GLIS3: variants seen among roughly 807,000 people sequenced by gnomAD.
The protein encoded by GLIS3 is GLIS family zinc finger 3.
In GLIS3, 53 loss-of-function variants were observed where a neutral mutation model predicts 78.6. The ratio of observed to expected loss-of-function variants is 0.67; its 90% CI spans 0.54 to 0.85. The LOEUF is 0.85. GLIS3 is among the 40% of genes least tolerant of loss of function. The pLI, the probability that GLIS3 is intolerant of heterozygous loss-of-function variation, is 0.00. For missense variants in GLIS3, 1,703 were observed against 1,231.1 expected (o/e 1.38, Z -5.74); for synonymous variants, 684 against 509.9 (o/e 1.34, Z -4.60).
intron 2 of GLIS3, among the ~76,000 whole-genome samples, chr9:4,323,352 C>G (rs1372429696): frequency 6.6e-6 from 1 of 152,074 alleles, no homozygotes; most frequent in Non-Finnish European, 1.5e-5. Flanking sequence ...TTCCCTTTTC[C>G]TTGCTTTTAA....
the GLIS3 span, among the ~76,000 whole-genome samples, chr9:4,441,312 G>T: frequency 6.6e-6 from 1 of 152,070 alleles, no homozygotes; most frequent in East Asian, 1.9e-4. Context: ...CTTTTATTGT[G>T]TTGAGGCACA....
chr9:3,967,735 G>C (rs1249108717), intron 4 of GLIS3, among the ~76,000 whole-genome samples: 1 of 152,034 alleles, frequency 6.6e-6, no homozygotes, highest in African/African-American at 2.4e-5. Context: ...AGAGACAAGT[G>C]CAATGTCATG....
chr9:4,406,585 C>T, the GLIS3 span, among the ~76,000 whole-genome samples: 9 of 152,228 alleles, frequency 5.9e-5, no homozygotes, highest in African/African-American at 2.2e-4. Context: ...ACTATTTGAA[C>T]TGATAAATTC....
chr9:4,388,544 C>T, the GLIS3 span, among the ~76,000 whole-genome samples: 12 of 151,980 alleles, frequency 7.9e-5, no homozygotes, highest in African/African-American at 2.7e-4. Context: ...GGCGTGGTGG[C>T]GTGTGCCTGT....
At chr9:4,372,935 C>T in the GLIS3 span, among the ~76,000 whole-genome samples, 1 of 152,214 alleles carries the variant, frequency 6.6e-6, no homozygotes, top group Non-Finnish European at 1.5e-5. Context: ...AGGAGAACGG[C>T]TGATATTTCT....
rs72685687 is a variant in GLIS3 at position 4,005,932 on chromosome 9, C to T, written c.1711-68743G>A. On this transcript the variant is annotated intron_variant, in intron 4 of 10. Transcript: ENST00000381971. ...CTGTTAGTCATTTGCTGAATTACTACAGTACTACTGTAGTCTGAAGTGGTT... is the reference window on the plus strand; with the variant it reads ...CTGTTAGTCATTTGCTGAATTACTATAGTACTACTGTAGTCTGAAGTGGTT... Among the ~76,000 whole-genome samples, 535 of 152,268 alleles carry T rather than the reference C, an allele frequency of 3.5e-3. 1 individual carries two copies. The highest frequency in any genetic ancestry group is 5.7e-3 in the Non-Finnish European group (386 of 68,006).
chr9:3,890,408 AC>A (rs1439245642), intron 7 of GLIS3, among the ~76,000 whole-genome samples: 1 of 152,144 alleles, frequency 6.6e-6, no homozygotes, highest in African/African-American at 2.4e-5. Flanking sequence ...AAGTAGTAGC[AC>A]CCAGCATAAA....
At chr9:4,178,534 T>C (rs1817000496) in intron 2 of GLIS3, among the ~76,000 whole-genome samples, 1 of 152,210 alleles carries the variant, frequency 6.6e-6, no homozygotes, top group Non-Finnish European at 1.5e-5. Flanking sequence ...AGAGCTTTGG[T>C]GAGCTTTGCT....
chr9:4,082,258 A>G (rs988469823), intron 4 of GLIS3, among the ~76,000 whole-genome samples: 3 of 152,230 alleles, frequency 2.0e-5, no homozygotes, highest in Non-Finnish European at 4.4e-5. Context: ...ACTGTATATA[A>G]CTATGTGTGG....
chr9:4,268,029 G>A (rs13440020), intron 2 of GLIS3, among the ~76,000 whole-genome samples: 117,737 of 151,546 alleles, frequency 0.78, 46,125 homozygotes, highest in African/African-American at 0.84. Context: ...GTGTATATAT[G>A]TGCATACACA....
At chr9:4,285,905 A>T (rs753653503) in intron 2 of GLIS3, 133 bp downstream of exon 2, 3 of 1,106,808 alleles carry the variant, frequency 2.7e-6, no homozygotes, top group Non-Finnish European at 4.1e-6. Context: ...CAAGCTATAT[A>T]TCATTATGAG....
intron 7 of GLIS3, chr9:3,898,227 G>C: frequency 4.3e-6 from 1 of 234,902 alleles, no homozygotes; most frequent in East Asian, 1.0e-4. Flanking sequence ...TTCCCACAAT[G>C]GTTGGCAAAC....
At chr9:3,942,898 C>G (rs1053337106) in intron 4 of GLIS3, among the ~76,000 whole-genome samples, 1 of 151,702 alleles carries the variant, frequency 6.6e-6, no homozygotes, top group Non-Finnish European at 1.5e-5. Flanking sequence ...AACAAAAGAA[C>G]TAGAAAACAA....
intron 6 of GLIS3, among the ~76,000 whole-genome samples, chr9:3,899,459 ATAAAC>A (rs1823122778): frequency 6.6e-6 from 1 of 152,178 alleles, no homozygotes; most frequent in Non-Finnish European, 1.5e-5. Flanking sequence ...AAATGCTAAA[ATAAAC>A]TAGGTGAAAA....
intron 2 of GLIS3, among the ~76,000 whole-genome samples, chr9:4,235,447 C>T (rs1393361660): frequency 6.6e-6 from 1 of 152,166 alleles, no homozygotes; most frequent in Admixed American, 6.5e-5. Flanking sequence ...AAGTTTCTAA[C>T]GACTTGATCT....
intron 4 of GLIS3, among the ~76,000 whole-genome samples, chr9:4,048,536 T>C (rs1310239259): frequency 6.6e-6 from 1 of 152,176 alleles, no homozygotes; most frequent in African/African-American, 2.4e-5. Flanking sequence ...AACCACATTA[T>C]GGTATTCAAC....
intron 2 of GLIS3, among the ~76,000 whole-genome samples, chr9:4,149,428 C>G (rs1243288863): frequency 6.6e-6 from 1 of 152,210 alleles, no homozygotes; most frequent in Admixed American, 6.5e-5. Flanking sequence ...ACCATCACCT[C>G]CCACATAACT....
At position 3,854,703 on chromosome 9, in the gene GLIS3, ATTTT is replaced by A. The variant is rs34986459; in HGVS notation, c.2473+1302_2473+1305del. Among the ~76,000 whole-genome samples, 1,032 of 147,968 alleles carry A rather than the reference ATTTT, an allele frequency of 7.0e-3. 18 individuals carry two copies. The highest frequency in any genetic ancestry group is 0.024 in the African/African-American group (952 of 40,116). On this transcript the variant is annotated intron_variant, in intron 9 of 10. Coordinates refer to ENST00000381971, the MANE Select transcript of GLIS3 (RefSeq NM_001042413.2). ...AAGCGCCCGCCGTCACGCCTGGCTA[ATTTT>A]TTTTTTTTTTGTATTTTTAGTAGAG...
At chr9:3,930,559 C>T (rs999599631) in intron 6 of GLIS3, among the ~76,000 whole-genome samples, 6 of 152,168 alleles carry the variant, frequency 3.9e-5, no homozygotes. Context: ...CAAATTTGAA[C>T]AGGAGAAACC....
Sources: allele counts gnomAD v4.1 joint callset (sites outside exome capture counted in the v4.1 genomes callset), GRCh38; gene constraint gnomAD v4.1.1; transcripts MANE v1.5; gene names NCBI Gene and HGNC (gene_info 2026-07-23, HGNC 2026-07-21).